Variants in TENT4B observed in about 807,000 individuals in gnomAD.
The protein encoded by TENT4B is PAP associated domain containing 5.
A neutral mutation model predicts 75.0 loss-of-function variants in TENT4B; 10 were observed. That is an observed-to-expected ratio of 0.13 (90% CI 0.08 to 0.23). The LOEUF (loss-of-function observed/expected upper bound fraction) is 0.23. Among genes scored for constraint, TENT4B ranks in the 10% least tolerant of loss-of-function variants. The probability of loss-of-function intolerance (pLI) is 1.00; values close to 1 mark genes in which losing one functional copy is unlikely to be tolerated. For missense variants in TENT4B, 579 were observed against 893.8 expected, an observed-to-expected ratio of 0.65 and a Z score of 4.49; for synonymous variants, 350 against 357.7, an observed-to-expected ratio of 0.98 and a Z score of 0.24.
At chr16:50,174,599 A>G (rs1347427070) in intron 1 of TENT4B, among the ~76,000 whole-genome samples, 1 of 152,158 alleles carries the variant, frequency 6.6e-6, no homozygotes, top group East Asian at 1.9e-4. Context: ...CAAAATGTCT[A>G]GCTATTTTGA....
At chr16:50,176,091 TC>T (rs1347549407) in intron 1 of TENT4B, among the ~76,000 whole-genome samples, 1 of 149,194 alleles carries the variant, frequency 6.7e-6, no homozygotes, top group Non-Finnish European at 1.5e-5. Context: ...CCAATATAAT[TC>T]TTTTTTTTTT....
At chr16:50,165,132 C>T (rs931595825) in intron 1 of TENT4B, among the ~76,000 whole-genome samples, 1 of 151,722 alleles carries the variant, frequency 6.6e-6, no homozygotes, top group African/African-American at 2.4e-5. Context: ...TTTAATATCT[C>T]ATTGCCTTTA....
At chr16:50,204,156 T>C (rs1260365372) in intron 1 of TENT4B, among the ~76,000 whole-genome samples, 1 of 152,098 alleles carries the variant, frequency 6.6e-6, no homozygotes, top group Non-Finnish European at 1.5e-5. Flanking sequence ...GGAAGGGGAC[T>C]TCAGTAATCA....
chr16:50,211,416 T>C lies in TENT4B; in HGVS notation c.732T>C (p.Ser244=). Reference sequence around the variant, plus strand: ...TGGAGGTGGTGAACAGGATCGAGAGTGTAATTAAGGAGCTCTGGCCCAGCG... The same window carrying C: ...TGGAGGTGGTGAACAGGATCGAGAGCGTAATTAAGGAGCTCTGGCCCAGCG... ...MRMEVVNRIE[S]VIKELWPSAD... is the part of the protein sequence containing the mutation. The change falls in exon 2 of 12, where the codon AGT becomes AGC. Residue 244 remains serine (S), a synonymous_variant. Coordinates refer to ENST00000561678, the MANE Select transcript of TENT4B (RefSeq NM_001365324.3). The C allele has an allele frequency of 1.2e-6, 2 of 1,604,512 alleles. No individual in the cohort carries two copies. Among genetic ancestry groups the C allele is most frequent in the African/African-American group, 1.4e-5 (1 of 73,942 alleles).
chr16:50,202,291 T>C (rs2030703870), intron 1 of TENT4B, among the ~76,000 whole-genome samples: 1 of 152,196 alleles, frequency 6.6e-6, no homozygotes, highest in African/African-American at 2.4e-5. Context: ...TACAAATGGT[T>C]GTATTTTTAA....
At chr16:50,212,914 T>G (rs944837307) in intron 2 of TENT4B, among the ~76,000 whole-genome samples, 4 of 152,116 alleles carry the variant, frequency 2.6e-5, no homozygotes, top group Admixed American at 1.3e-4. Context: ...CCCTTATCTT[T>G]CTTAGGTGGA....
At chr16:50,160,618 CGTTGGTGATACGGAACTGATCA>C (rs1301491641) in intron 1 of TENT4B, among the ~76,000 whole-genome samples, 1 of 152,172 alleles carries the variant, frequency 6.6e-6, no homozygotes, top group African/African-American at 2.4e-5. Flanking sequence ...TTAAGGGCTC[CGTTGGTGATACGGAACTGATCA>C]GATGGTTCTC....
chr16:50,162,713 A>G (rs1409476985), intron 1 of TENT4B, among the ~76,000 whole-genome samples: 1 of 151,970 alleles, frequency 6.6e-6, no homozygotes, highest in Non-Finnish European at 1.5e-5. Flanking sequence ...TTGTCTTTGA[A>G]GTAATTTTCA....
upstream of TENT4B, chr16:50,152,947 A>G (rs1661893461): frequency 2.7e-6 from 4 of 1,499,886 alleles, no homozygotes; most frequent in Non-Finnish European, 3.5e-6. Context: ...GCGGGCGGCA[A>G]CCTCCATGCG....
chr16:50,184,666 CAAAAAG>C (rs202136247), intron 1 of TENT4B, among the ~76,000 whole-genome samples: 2,340 of 149,502 alleles, frequency 0.016, 69 homozygotes, highest in African/African-American at 0.055. Flanking sequence ...GACTCCATCT[CAAAAAG>C]AAAAAAAAAA....
chr16:50,153,195 G>GGGGGGGGGGGGGGGGGGGGGGGGC (rs2037800461), upstream of TENT4B, among the ~76,000 whole-genome samples: 1 of 115,208 alleles, frequency 8.7e-6, no homozygotes. Context: ...GGGGGGGGGG[G>GGGGGGGGGGGGGGGGGGGGGGGGC]CGGAGCGAGA....
At chr16:50,176,422 A>T (rs2038310533) in intron 1 of TENT4B, among the ~76,000 whole-genome samples, 1 of 151,862 alleles carries the variant, frequency 6.6e-6, no homozygotes. Context: ...TTGAAAAAAA[A>T]ATCCACATAT....
chr16:50,188,383 G>A lies in TENT4B; in HGVS notation c.639-22940G>A, dbSNP rs375329766. Among the ~76,000 whole-genome samples, 68 of 152,258 alleles carry A rather than the reference G, an allele frequency of 4.5e-4. 1 individual carries two copies. The South Asian group carries it at 0.013, about 29-fold the overall frequency. Reference sequence around the variant, plus strand: ...TTATGCAGGGATCAGGTCTTACTCCGTTCTTGATTGTTAGTACAAATTAGT... The same window carrying A: ...TTATGCAGGGATCAGGTCTTACTCCATTCTTGATTGTTAGTACAAATTAGT... On this transcript the variant is annotated intron_variant, in intron 1 of 11. Coordinates refer to ENST00000561678, the MANE Select transcript of TENT4B (RefSeq NM_001365324.3).
Position 50,155,151 on chromosome 16 carries a change from A to G in TENT4B, c.638+892A>G, listed in dbSNP as rs537086026. Among the ~76,000 whole-genome samples, 21 of 152,282 alleles carry G rather than the reference A, an allele frequency of 1.4e-4. No individual in the cohort carries two copies. In the South Asian group the frequency reaches 2.5e-3, roughly 18 times the overall value. On this transcript the variant is annotated intron_variant, in intron 1 of 11. Coordinates refer to ENST00000561678, the MANE Select transcript of TENT4B (RefSeq NM_001365324.3). ...GAAAATGGAATCTTACCTGACCCCT[A>G]GTGAATTATGTACATAAGCAGGGAA...
At position 50,211,365 on chromosome 16, in the gene TENT4B, A is replaced by G. The variant is rs371032807; in HGVS notation, c.681A>G (p.Pro227=). Residue 227 remains proline (P), a synonymous_variant, in exon 2 of 12, where the codon CCA becomes CCG. Coordinates refer to ENST00000561678, the MANE Select transcript of TENT4B (RefSeq NM_001365324.3). ...EISDFYEYMS[P]RPEEEKMRME... ...GTGATTTTTATGAATACATGTCTCC[A>G]AGACCTGAGGAGGAGAAGATGCGGA... 5.6e-6 allele frequency: 9 copies of G among 1,606,680 alleles called. No individual in the cohort carries two copies. The African/African-American group carries it at 1.2e-4, about 22-fold the overall frequency.
At chr16:50,169,558 G>C (rs9302748) in intron 1 of TENT4B, among the ~76,000 whole-genome samples, 148,332 of 152,286 alleles carry the variant, frequency 0.97, 72,241 homozygotes, top group East Asian at 1. Flanking sequence ...GTCTCTTGAT[G>C]CTTTTTCTGT....
At chr16:50,211,551 C>G in intron 2 of TENT4B, 105 bp downstream of exon 2, 1 of 1,296,476 alleles carries the variant, frequency 7.7e-7, no homozygotes, top group Non-Finnish European at 1.0e-6. Flanking sequence ...AGTAGAAGTG[C>G]TCTGTAGAGT....
chr16:50,171,967 G>A (rs1308943236), intron 1 of TENT4B, among the ~76,000 whole-genome samples: 1 of 151,994 alleles, frequency 6.6e-6, no homozygotes, highest in Non-Finnish European at 1.5e-5. Flanking sequence ...GTGAGCCAAC[G>A]GGGTGGAGGT....
At chr16:50,225,952 G>A (rs1319613653) in intron 10 of TENT4B, among the ~76,000 whole-genome samples, 2 of 151,520 alleles carry the variant, frequency 1.3e-5, no homozygotes, top group African/African-American at 4.9e-5. Context: ...AAATTGCTGG[G>A]ATTACAGGCA....
Sources: allele counts gnomAD v4.1 joint callset (sites outside exome capture counted in the v4.1 genomes callset), GRCh38; gene constraint gnomAD v4.1.1; transcripts MANE v1.5; gene names NCBI Gene and HGNC (gene_info 2026-07-23, HGNC 2026-07-21).